The following OSBPL2 variants were observed in gnomAD, a reference collection of about 807,000 sequenced individuals.
The protein encoded by OSBPL2 is oxysterol-binding protein-related protein 2.
A neutral mutation model predicts 58.4 loss-of-function variants in OSBPL2; 18 were observed. The ratio of observed to expected loss-of-function variants is 0.31; its 90% CI spans 0.21 to 0.46. The LOEUF is 0.46. OSBPL2 is among the 20% of genes least tolerant of loss of function. The probability of loss-of-function intolerance (pLI) is 1.00; values close to 1 mark genes in which losing one functional copy is unlikely to be tolerated. For missense variants in OSBPL2, 461 were observed against 616.5 expected (o/e 0.75, Z 2.67); for synonymous variants, 221 against 234.1 (o/e 0.94, Z 0.51).
intron 4 of OSBPL2, among the ~76,000 whole-genome samples, chr20:62,265,478 C>G (rs762686599): frequency 6.6e-6 from 1 of 152,148 alleles, no homozygotes; most frequent in Non-Finnish European, 1.5e-5. Flanking sequence ...TGCCTTAACC[C>G]TGGAATCAGC....
At position 62,293,877 on chromosome 20, in the gene OSBPL2, A is replaced by G. The variant is rs1434930499; in HGVS notation, c.1433A>G (p.Asp478Gly). The change falls in exon 14 of 14, where the codon GAT (aspartate) becomes GGT (glycine). Residue 478 changes from aspartate (D) to glycine (G), a missense_variant. Around this residue, in one of 5 missense-constraint regions of OSBPL2, gnomAD observed 319 missense variants for 419.2 expected, o/e 0.76. Coordinates refer to ENST00000313733, the MANE Select transcript of OSBPL2 (RefSeq NM_144498.4). ...YFERNFSDCP[D>G]IY ...GAGCGGAATTTCTCCGACTGCCCAG[A>G]TATCTACTGAGGGCCTGGAGGGGCC... 1.9e-6 allele frequency: 3 copies of G among 1,613,962 alleles called. No homozygotes were observed. The highest frequency in any genetic ancestry group is 2.5e-6 in the Non-Finnish European group (3 of 1,179,970).
intron 10 of OSBPL2, chr20:62,284,915 TTA>T (rs1330250785): frequency 6.6e-6 from 1 of 152,248 alleles, no homozygotes; most frequent in African/African-American, 2.4e-5. Context: ...TTTTTTGTTT[TTA>T]GTTGTGAGTA....
At chr20:62,278,546 T>C (rs1398424828) in intron 6 of OSBPL2, 2 of 80,582 alleles carry the variant, frequency 2.5e-5, no homozygotes, top group Non-Finnish European at 5.1e-5. Context: ...TGCGATGTCA[T>C]GTTTGTGTGT....
chr20:62,256,383 A>G (rs1255583261), intron 2 of OSBPL2, among the ~76,000 whole-genome samples, 162 bp downstream of exon 2: 1 of 152,238 alleles, frequency 6.6e-6, no homozygotes, highest in Non-Finnish European at 1.5e-5. Flanking sequence ...CCTGACATCC[A>G]TCTCAGAGGT....
chr20:62,289,376 C>G, intron 12 of OSBPL2, 46 bp downstream of exon 12: 1 of 1,596,658 alleles, frequency 6.3e-7, no homozygotes, highest in Non-Finnish European at 8.5e-7. Context: ...CAAGGACGCC[C>G]TGGCTAGGGT....
Position 62,263,638 on chromosome 20 carries a change from T to A in OSBPL2, c.205T>A (p.Phe69Ile), listed in dbSNP as rs2145938520. The A allele has an allele frequency of 1.2e-6, 2 of 1,614,198 alleles. No homozygotes were observed. The highest frequency in any genetic ancestry group is 4.5e-5 in the East Asian group (2 of 44,884). Residue 69 changes from phenylalanine to isoleucine, a missense_variant, in exon 4 of 14, where the codon TTC (phenylalanine) becomes ATC (isoleucine). Transcript: ENST00000313733. ...CAGGACATCGCTGCCGGCTCCCATG[T>A]TCAGCAGAAGCGACTTCAGCGTGTG... Reference protein sequence around the residue: ...KHRTSLPAPMFSRSDFSVWTI... With the variant: ...KHRTSLPAPMISRSDFSVWTI...
rs370333717 is a variant in OSBPL2, at chr20:62,256,250, G to A, written c.37+29G>A. 143 of 1,603,048 alleles carry A rather than the reference G, an allele frequency of 8.9e-5. 1 individual carries two copies. The highest frequency in any genetic ancestry group is 8.7e-4 in the South Asian group (79 of 90,794). Reference sequence around the variant, plus strand: ...AGTCAAAAGAGAACCAACTGGGGACGTACTGGAAGGGTGAACGTCCCTGGA... The same window carrying A: ...AGTCAAAAGAGAACCAACTGGGGACATACTGGAAGGGTGAACGTCCCTGGA... On this transcript the variant is annotated intron_variant, in intron 2 of 13. Transcript: ENST00000313733.
In OSBPL2 at chr20:62,260,058, A is replaced by G. The variant is rs994106404; in HGVS notation, c.115A>G (p.Ser39Gly). Reference protein sequence around the residue: ...KVTGMIDLDTSKNNRIGKTGE... With the variant: ...KVTGMIDLDTGKNNRIGKTGE... The stretch of plus-strand genomic sequence containing the variant: ...CACGGGAATGATTGACTTAGACACC[A>G]GCAAAAATAATAGGATTGGGAAAAC... The change falls in exon 3 of 14, where the codon AGC becomes GGC. Residue 39 changes from serine (S) to glycine (G), a missense_variant. Physicochemically the swap from Ser to Gly is moderately conservative, Grantham distance 56. Transcript: ENST00000313733. 2 of 1,613,780 alleles carry G rather than the reference A, an allele frequency of 1.2e-6. No homozygotes were observed. Among genetic ancestry groups the G allele is most frequent in the African/African-American group, 1.3e-5 (1 of 74,924 alleles).
chr20:62,285,762 C>T (rs1568851322), intron 10 of OSBPL2: 1 of 153,096 alleles, frequency 6.5e-6, no homozygotes, highest in East Asian at 1.9e-4. Flanking sequence ...GCGTGCACCG[C>T]TTCTCCCGAA....
At chr20:62,260,166 A>G (rs1222759480) in intron 3 of OSBPL2, 41 bp downstream of exon 3, 2 of 1,594,558 alleles carry the variant, frequency 1.3e-6, no homozygotes, top group Non-Finnish European at 1.7e-6. Flanking sequence ...ATGTGTCTGT[A>G]ATCACCCCAA....
chr20:62,273,253 C>A, intron 5 of OSBPL2, 56 bp from the exon 6 acceptor site: 1 of 1,406,842 alleles, frequency 7.1e-7, no homozygotes, highest in Non-Finnish European at 1.0e-6. Flanking sequence ...AGGCCATCTT[C>A]TCCAGCGCGT....
intron 1 of OSBPL2, among the ~76,000 whole-genome samples, chr20:62,244,747 C>T (rs916608531): frequency 2.6e-5 from 4 of 152,216 alleles, no homozygotes; most frequent in African/African-American, 7.2e-5. Flanking sequence ...CGCTAGGCTC[C>T]GCTTCCGGGA....
Position 62,256,106 on chromosome 20 carries a change from T to C in OSBPL2, c.-79T>C. 6.6e-7 allele frequency: 1 copy of C among 1,514,908 alleles called. No homozygotes were observed. The highest frequency in any genetic ancestry group is 9.1e-7 in the Non-Finnish European group (1 of 1,102,918). The allele number at this position is 1,514,908 out of a possible 1,614,324, so 93.8% of individuals were successfully genotyped here. A position where few individuals can be genotyped will look rare whatever the true frequency, so the allele number is the denominator to read the frequency against. ...CCAAGAGAAAGTTTGTAAAATTCCTTACACTGTAGATGTGGATCAGATACG... is the reference window on the plus strand; with the variant it reads ...CCAAGAGAAAGTTTGTAAAATTCCTCACACTGTAGATGTGGATCAGATACG... On this transcript the variant is annotated 5_prime_UTR_variant, in exon 2 of 14. Coordinates refer to ENST00000313733, the MANE Select transcript of OSBPL2 (RefSeq NM_144498.4).
chr20:62,260,201 G>C, intron 3 of OSBPL2, 76 bp downstream of exon 3: 2 of 1,414,668 alleles, frequency 1.4e-6, no homozygotes, highest in South Asian at 1.3e-5. Context: ...GTACCCCTCA[G>C]CCCTCACGAG....
chr20:62,239,455 G>A (rs1436136928), intron 1 of OSBPL2, among the ~76,000 whole-genome samples: 9 of 152,196 alleles, frequency 5.9e-5, no homozygotes, highest in Non-Finnish European at 8.8e-5. Flanking sequence ...TCGGGGTGTT[G>A]CAGGCTCTCC....
intron 1 of OSBPL2, among the ~76,000 whole-genome samples, chr20:62,251,778 G>A (rs2145921849): frequency 6.9e-6 from 1 of 144,846 alleles, no homozygotes; most frequent in East Asian, 2.1e-4. Context: ...GATTTCCACT[G>A]TCTTATAAAT....
rs138841218 is a variant in OSBPL2, at chr20:62,286,551, G to A, written c.997-32G>A. On this transcript the variant is annotated intron_variant, in intron 10 of 13. Transcript: ENST00000313733. ...TCCTGGCCAAGAGCGGCCTGGCCCC[G>A]GGCAGCCACACAGCAGGGTTCTGTG... 831 of 1,591,266 alleles carry A rather than the reference G, an allele frequency of 5.2e-4. 5 individuals are homozygous for A. The African/African-American group carries it at 7.1e-3, about 14-fold the overall frequency.
chr20:62,254,303 C>G (rs548232571), intron 1 of OSBPL2, among the ~76,000 whole-genome samples: 71 of 152,348 alleles, frequency 4.7e-4, no homozygotes, highest in Non-Finnish European at 7.3e-4. Context: ...GCTACCATGG[C>G]AAGAGGAGCC....
chr20:62,277,387 A>AG (rs1019899902), intron 6 of OSBPL2, among the ~76,000 whole-genome samples: 21 of 152,384 alleles, frequency 1.4e-4, no homozygotes, highest in African/African-American at 5.0e-4. Context: ...ACCCTTCCCC[A>AG]GGGGCTGCAC....
Sources: allele counts gnomAD v4.1 joint callset (sites outside exome capture counted in the v4.1 genomes callset), GRCh38; gene constraint gnomAD v4.1.1; regional missense constraint gnomAD v4.1.1; transcripts MANE v1.5; gene names NCBI Gene and HGNC (gene_info 2026-07-23, HGNC 2026-07-21).